Variants in ADGRE1 observed in about 807,000 individuals in gnomAD.
ADGRE1 encodes EGF-like module receptor 1.
Under a neutral mutation model 102.7 loss-of-function variants are expected in ADGRE1, and 82 were observed. The observed-to-expected ratio is 0.80, with a 90% CI of 0.67 to 0.96. The LOEUF (loss-of-function observed/expected upper bound fraction) is 0.96, where lower values mean the gene tolerates loss of function less well. Ranked by LOEUF, ADGRE1 falls within the 40% of genes least tolerant of loss-of-function variation. ADGRE1 has a pLI of 0.00. For synonymous variants in ADGRE1, 398 were observed against 399.6 expected, an observed-to-expected ratio of 1.00 and a Z score of 0.05; for missense variants, 1,032 against 1,085.3, an observed-to-expected ratio of 0.95 and a Z score of 0.69.
At chr19:6,923,053 G>A (rs1453599116) in intron 14 of ADGRE1, among the ~76,000 whole-genome samples, 7 of 151,844 alleles carry the variant, frequency 4.6e-5, no homozygotes, top group African/African-American at 1.7e-4. Context: ...CTCCAGCCTG[G>A]GTGACAGAAC....
chr19:6,893,832 G>C (rs937399349), intron 2 of ADGRE1, among the ~76,000 whole-genome samples: 5 of 152,148 alleles, frequency 3.3e-5, no homozygotes, highest in African/African-American at 1.2e-4. Context: ...GTCTGAAATG[G>C]GTCCCACTGG....
At chr19:6,911,405 T>TTTTTTTTTTTTTG (rs1555714480) in intron 10 of ADGRE1, among the ~76,000 whole-genome samples, 2 of 147,354 alleles carry the variant, frequency 1.4e-5, no homozygotes, top group African/African-American at 2.5e-5. Context: ...TTTTTTTTTT[T>TTTTTTTTTTTTTG]GCTTGGGTCA....
chr19:6,938,830 C>G (rs1975552453), intron 20 of ADGRE1, among the ~76,000 whole-genome samples: 1 of 147,576 alleles, frequency 6.8e-6, no homozygotes, highest in South Asian at 2.1e-4. Flanking sequence ...GAGTCTCGCT[C>G]TGTAACCCAG....
chr19:6,918,708 A>G (rs1272279082), intron 12 of ADGRE1, among the ~76,000 whole-genome samples: 1 of 152,122 alleles, frequency 6.6e-6, no homozygotes, highest in Non-Finnish European at 1.5e-5. Flanking sequence ...TGTAGCCAAG[A>G]CTTCTCCAGG....
chr19:6,915,796 C>T (rs942672482), intron 11 of ADGRE1, among the ~76,000 whole-genome samples: 3 of 151,840 alleles, frequency 2.0e-5, no homozygotes, highest in Non-Finnish European at 4.4e-5. Context: ...TGGTAGGCAC[C>T]TGCAATCCCA....
In ADGRE1 at chr19:6,926,610, C is replaced by A. The variant is rs1174243438; in HGVS notation, c.2222+9C>A. ...TATGGAATGCATAATCGGTGAGTGACATCCTCTCTCTTCCTGAAGACCCTG... is the reference window on the plus strand; with the variant it reads ...TATGGAATGCATAATCGGTGAGTGAAATCCTCTCTCTTCCTGAAGACCCTG... On this transcript the variant is annotated intron_variant, in intron 16 of 20. Transcript: ENST00000312053. The A allele has an allele frequency of 6.2e-7, 1 of 1,613,626 alleles. No homozygotes were observed. Among genetic ancestry groups the A allele is most frequent in the Admixed American group, 1.7e-5 (1 of 60,006 alleles).
chr19:6,896,583 A>C, intron 3 of ADGRE1, 42 bp downstream of exon 3: 1 of 1,597,982 alleles, frequency 6.3e-7, no homozygotes, highest in Middle Eastern at 1.8e-4. Context: ...TTTGGTAGGA[A>C]AATCAAGTCA....
intron 1 of ADGRE1, among the ~76,000 whole-genome samples, chr19:6,888,980 T>C (rs1487392799): frequency 6.6e-6 from 1 of 152,152 alleles, no homozygotes; most frequent in African/African-American, 2.4e-5. Flanking sequence ...GTGGTTATAA[T>C]AGTGATGATG....
At chr19:6,916,395 G>C in intron 12 of ADGRE1, 27 bp downstream of exon 12, 1 of 1,602,888 alleles carries the variant, frequency 6.2e-7, no homozygotes, top group Non-Finnish European at 8.5e-7. Context: ...GAGAATGCAG[G>C]TTATGGTGTA....
Position 6,890,488 on chromosome 19 carries a change from T to G in ADGRE1, c.39T>G (p.Cys13Trp). ...GFNLLLFWGC[C>W]VMHSWEGHIR... The stretch of plus-strand genomic sequence containing the variant: ...TCTTTTCTTTCTTCACAGGATGTTG[T>G]GTTATGCACAGCTGGGAAGGGCACA... The change falls in exon 2 of 21, where the codon TGT becomes TGG. Residue 13 changes from cysteine to tryptophan, a missense_variant. Coordinates refer to ENST00000312053, the MANE Select transcript of ADGRE1 (RefSeq NM_001974.5). 1 of 1,605,970 alleles carries G rather than the reference T, an allele frequency of 6.2e-7. No individual in the cohort carries two copies. The highest frequency in any genetic ancestry group is 1.4e-5 in the African/African-American group (1 of 73,258).
rs971262815 is a variant in ADGRE1 at position 6,892,566 on chromosome 19, C to A, written c.94+2023C>A. Among the ~76,000 whole-genome samples the A allele has an allele frequency of 2.0e-5, 3 of 152,120 alleles. No homozygotes were observed. In the South Asian group the frequency reaches 6.2e-4, roughly 32 times the overall value. On this transcript the variant is annotated intron_variant, in intron 2 of 20. Transcript: ENST00000312053. ...AGTTTATTTCTGATCTTCTATAGTT[C>A]GTCTTCCAACCAGTGGCCAGAAGGC... is the stretch of plus-strand genomic sequence containing the variant.
chr19:6,889,266 T>G (rs985674190), intron 1 of ADGRE1, among the ~76,000 whole-genome samples: 2 of 151,492 alleles, frequency 1.3e-5, no homozygotes, highest in Non-Finnish European at 2.9e-5. Context: ...ATAATGGTGA[T>G]GATGGTGATA....
Position 6,919,558 on chromosome 19 carries a change from T to C in ADGRE1, c.1431T>C (p.Gly477=), listed in dbSNP as rs1974550321. The C allele has an allele frequency of 6.2e-7, 1 of 1,612,302 alleles. No homozygotes were observed. The highest frequency in any genetic ancestry group is 8.5e-7 in the Non-Finnish European group (1 of 1,179,476). ...TGGGGAAACCTGCAGAGACCACTGG[T>C]GTGGCTTTTGTCTCCTTTGTGGGCA... The part of the protein sequence containing the change: ...IEESESTETT[G]VAFVSFVGME... The change falls in exon 13 of 21, where the codon GGT becomes GGC. Residue 477 remains glycine, a synonymous_variant. Transcript: ENST00000312053.
At position 6,921,805 on chromosome 19, in the gene ADGRE1, A is replaced by C. The variant is rs1231061135; in HGVS notation, c.1713A>C (p.Glu571Asp). 1 of 1,614,124 alleles carries C rather than the reference A, an allele frequency of 6.2e-7. No homozygotes were observed. ...CATCCTTTGGCTGTGTGATCCTGGA[A>C]GCTTCTGAGACATATACCATCTGCA... Reference protein sequence around the residue: ...RWTSFGCVILEASETYTICSC... With the variant: ...RWTSFGCVILDASETYTICSC... Residue 571 changes from glutamate to aspartate, a missense_variant, in exon 14 of 21, where the codon GAA becomes GAC. Physicochemically the swap from Glu to Asp is conservative, Grantham distance 45. Coordinates refer to ENST00000312053, the MANE Select transcript of ADGRE1 (RefSeq NM_001974.5).
intron 18 of ADGRE1, 23 bp downstream of exon 18, chr19:6,935,101 C>T (rs1227891664): frequency 1.7e-5 from 25 of 1,478,824 alleles, no homozygotes; most frequent in Non-Finnish European, 2.1e-5. Flanking sequence ...TTCACCTCCC[C>T]CCCTCTTTTA....
chr19:6,916,398 A>G, intron 12 of ADGRE1, 30 bp downstream of exon 12: 1 of 1,602,194 alleles, frequency 6.2e-7, no homozygotes, highest in Middle Eastern at 1.7e-4. Flanking sequence ...AATGCAGGTT[A>G]TGGTGTATTC....
intron 12 of ADGRE1, among the ~76,000 whole-genome samples, chr19:6,916,923 T>G (rs10406767): frequency 0.012 from 1,823 of 152,202 alleles, 31 homozygotes; most frequent in African/African-American, 0.042. Context: ...TTTTAAAAAA[T>G]GTGTACTAGA....
intron 17 of ADGRE1, 153 bp downstream of exon 17, chr19:6,928,364 G>A (rs776532147): frequency 1.7e-4 from 248 of 1,500,926 alleles, no homozygotes; most frequent in Non-Finnish European, 2.1e-4. Flanking sequence ...GGTGGCTCAC[G>A]CCTGTAATCC....
chr19:6,939,264 A>T (rs1975572190), intron 20 of ADGRE1, among the ~76,000 whole-genome samples: 1 of 152,146 alleles, frequency 6.6e-6, no homozygotes. Flanking sequence ...TTTAATGAAA[A>T]AGACAGTATA....
Sources: allele counts gnomAD v4.1 joint callset (sites outside exome capture counted in the v4.1 genomes callset), GRCh38; gene constraint gnomAD v4.1.1; transcripts MANE v1.5; gene names NCBI Gene and HGNC (gene_info 2026-07-23, HGNC 2026-07-21).